Variants in NWD2 observed in about 807,000 individuals in gnomAD.
NWD2 encodes the protein NACHT and WD repeat domain containing 2, also known as NACHT and WD repeat domain-containing protein 2.
NWD2 carries 37 observed loss-of-function variants against 132.7 expected under a neutral mutation model. That is an observed-to-expected ratio of 0.28 (90% confidence interval 0.21 to 0.37). The LOEUF (loss-of-function observed/expected upper bound fraction) is 0.37, where lower values mean the gene tolerates loss of function less well. Among genes scored for constraint, NWD2 ranks in the 10% least tolerant of loss-of-function variants. The probability of loss-of-function intolerance (pLI) is 1.00; values close to 1 mark genes in which losing one functional copy is unlikely to be tolerated. For synonymous variants in NWD2, 705 were observed against 803.0 expected, an observed-to-expected ratio of 0.88 and a Z score of 2.06; for missense variants, 1,592 against 2,122.4, an observed-to-expected ratio of 0.75 and a Z score of 4.91.
chr4:37,393,543 C>A (rs1398052056), intron 3 of NWD2, among the ~76,000 whole-genome samples: 1 of 152,126 alleles, frequency 6.6e-6, no homozygotes, highest in Non-Finnish European at 1.5e-5. Context: ...CTAGGAAATG[C>A]AAAATGGATG....
intron 2 of NWD2, among the ~76,000 whole-genome samples, chr4:37,335,777 C>A (rs566471623): frequency 6.6e-6 from 1 of 151,068 alleles, no homozygotes; most frequent in East Asian, 1.9e-4. Flanking sequence ...CATGCCCCTA[C>A]CTCTGTGGAA....
chr4:37,416,116 C>T (rs1454568643), intron 3 of NWD2, among the ~76,000 whole-genome samples: 1 of 152,200 alleles, frequency 6.6e-6, no homozygotes, highest in African/African-American at 2.4e-5. Flanking sequence ...AGGGCTGGCC[C>T]CCCACAAGGC....
intron 5 of NWD2, among the ~76,000 whole-genome samples, chr4:37,438,060 G>C (rs947330067): frequency 2.6e-5 from 4 of 152,126 alleles, no homozygotes; most frequent in Non-Finnish European, 5.9e-5. Context: ...AGGAGAAAGA[G>C]ACCATCCTGG....
chr4:37,304,583 C>A (rs1315766306), intron 1 of NWD2, among the ~76,000 whole-genome samples: 2 of 152,172 alleles, frequency 1.3e-5, no homozygotes, highest in Non-Finnish European at 2.9e-5. Context: ...GTAAATGCTC[C>A]CATTCCAAAA....
chr4:37,385,963 A>C (rs116828878), intron 3 of NWD2, among the ~76,000 whole-genome samples: 1,950 of 152,276 alleles, frequency 0.013, 40 homozygotes, highest in African/African-American at 0.045. Flanking sequence ...TACTATAAAG[A>C]AATACTTAAT....
intron 2 of NWD2, among the ~76,000 whole-genome samples, chr4:37,335,720 G>A (rs1483367689): frequency 1.3e-5 from 2 of 151,732 alleles, no homozygotes; most frequent in African/African-American, 2.4e-5. Context: ...GACTCCTTAT[G>A]AGAATCAAAT....
intron 2 of NWD2, among the ~76,000 whole-genome samples, chr4:37,336,733 G>T (rs1375642485): frequency 6.6e-6 from 1 of 152,158 alleles, no homozygotes; most frequent in Non-Finnish European, 1.5e-5. Context: ...GAGGTCAGAA[G>T]TTCGAGACCA....
intron 3 of NWD2, among the ~76,000 whole-genome samples, chr4:37,367,540 G>C (rs924203616): frequency 6.6e-6 from 1 of 152,146 alleles, no homozygotes; most frequent in East Asian, 1.9e-4. Context: ...CTTTTAAAAC[G>C]CTTCTACAAA....
chr4:37,270,829 A>T (rs554171071), intron 1 of NWD2, among the ~76,000 whole-genome samples: 127 of 151,846 alleles, frequency 8.4e-4, no homozygotes, highest in African/African-American at 3.0e-3. Context: ...ATCTTTTCCT[A>T]TTTCAAAGTA....
At chr4:37,420,247 T>A (rs895276403) in intron 3 of NWD2, among the ~76,000 whole-genome samples, 4 of 152,242 alleles carry the variant, frequency 2.6e-5, no homozygotes, top group African/African-American at 9.6e-5. Context: ...TCTTCTCTGT[T>A]GACTTCAGTG....
rs545451200 is a variant in NWD2, at chr4:37,356,253, C to G, written c.241-113C>G. On this transcript the variant is annotated intron_variant, in intron 2 of 6. Transcript: ENST00000309447. ...ATGGATCTTAAAAATCACTTCCCCT[C>G]TGTAAGAGAAAACATGCTGCAAAGA... 7.4e-6 allele frequency: 4 copies of G among 537,836 alleles called. No individual in the cohort carries two copies. In the South Asian group the frequency reaches 1.5e-4, roughly 21 times the overall value. The allele number at this position is 537,836 out of a possible 1,614,324, so 33.3% of individuals were successfully genotyped here.
intron 1 of NWD2, among the ~76,000 whole-genome samples, chr4:37,301,709 C>G (rs182334127): frequency 2.0e-3 from 308 of 151,672 alleles, no homozygotes; most frequent in Non-Finnish European, 3.5e-3. Context: ...TTATTCAATG[C>G]TTACTTTTAT....
chr4:37,253,561 G>A (rs1463391453), intron 1 of NWD2, among the ~76,000 whole-genome samples: 1 of 152,142 alleles, frequency 6.6e-6, no homozygotes, highest in African/African-American at 2.4e-5. Context: ...GGGAGTCCAG[G>A]AGGTCCTCGT....
chr4:37,256,868 G>A (rs1577645934), intron 1 of NWD2, among the ~76,000 whole-genome samples: 2 of 152,162 alleles, frequency 1.3e-5, no homozygotes, highest in East Asian at 3.9e-4. Context: ...TCACTGACAT[G>A]CTGGAAATTT....
At chr4:37,354,923 A>T (rs543257348) in intron 2 of NWD2, among the ~76,000 whole-genome samples, 4 of 152,130 alleles carry the variant, frequency 2.6e-5, no homozygotes, top group African/African-American at 9.7e-5. Flanking sequence ...TGGCCTGTCC[A>T]TTATTTAACA....
At chr4:37,307,933 T>G (rs1212032819) in intron 1 of NWD2, among the ~76,000 whole-genome samples, 2 of 152,166 alleles carry the variant, frequency 1.3e-5, no homozygotes, top group Non-Finnish European at 2.9e-5. Context: ...TTCATTGATT[T>G]TTTTAGTTTC....
intron 1 of NWD2, among the ~76,000 whole-genome samples, chr4:37,322,607 G>A (rs957814274): frequency 6.6e-6 from 1 of 152,120 alleles, no homozygotes; most frequent in African/African-American, 2.4e-5. Flanking sequence ...AGCTGGTAGG[G>A]GTTTTAAACA....
intron 1 of NWD2, among the ~76,000 whole-genome samples, chr4:37,312,495 G>T (rs1428961800): frequency 1.3e-5 from 2 of 151,078 alleles, no homozygotes; most frequent in African/African-American, 5.0e-5. Context: ...CTGAGACTTT[G>T]CTGAAGTTGC....
intron 1 of NWD2, among the ~76,000 whole-genome samples, chr4:37,272,513 T>G (rs1577650984): frequency 6.6e-6 from 1 of 151,856 alleles, no homozygotes; most frequent in African/African-American, 2.4e-5. Flanking sequence ...ATATTCATAT[T>G]TTTAGGGAAA....
Sources: gnomAD v4.1 joint callset for allele counts (sites outside exome capture counted in the v4.1 genomes callset) on GRCh38, gnomAD v4.1.1 for gene constraint, MANE v1.5 for transcripts, NCBI Gene and HGNC (gene_info 2026-07-23, HGNC 2026-07-21) for gene names.